FAH: variants seen among roughly 807,000 people sequenced by gnomAD.
The protein encoded by FAH is fumarylacetoacetate hydrolase.
FAH carries 47 observed loss-of-function variants against 55.8 expected under a neutral mutation model. That is an observed-to-expected ratio of 0.84 (90% CI 0.67 to 1.07). The LOEUF (loss-of-function observed/expected upper bound fraction) is 1.07, where lower values mean the gene tolerates loss of function less well. FAH is among the 50% of genes least tolerant of loss of function. The pLI is 0.00. For missense variants in FAH, 495 were observed against 545.9 expected, an observed-to-expected ratio of 0.91 and a Z score of 0.93; for synonymous variants, 199 against 207.7, an observed-to-expected ratio of 0.96 and a Z score of 0.36.
At chr15:80,156,091 C>T (rs760761166) in intron 1 of FAH, 81 of 277,738 alleles carry the variant, frequency 2.9e-4, no homozygotes, top group Non-Finnish European at 5.0e-4. Context: ...TTCCCTGACT[C>T]CTCCAAGGAA....
rs1294378979 is a variant in FAH, at chr15:80,175,146, G to A, written c.913+55G>A. The A allele has an allele frequency of 3.3e-6, 5 of 1,525,104 alleles. No homozygotes were observed. In the African/African-American group the frequency reaches 4.1e-5, roughly 13 times the overall value. 94.5% of individuals were successfully genotyped at this position (1,525,104 alleles called of 1,614,324 possible). On this transcript the variant is annotated intron_variant, in intron 10 of 13. Coordinates refer to ENST00000561421, the MANE Select transcript of FAH (RefSeq NM_000137.4). ...GAGCTCTGAGGCAATGTGTGCCTGTGTGCCTTGTCCTGAAGGCTCCTGAGC... is the reference window on the plus strand; with the variant it reads ...GAGCTCTGAGGCAATGTGTGCCTGTATGCCTTGTCCTGAAGGCTCCTGAGC...
At chr15:80,171,737 T>G (rs1323819587) in intron 7 of FAH, among the ~76,000 whole-genome samples, 1 of 152,226 alleles carries the variant, frequency 6.6e-6, no homozygotes, top group Non-Finnish European at 1.5e-5. Context: ...GCTGAGATTA[T>G]AGACGTGAGC....
At chr15:80,169,051 T>C (rs548085056) in intron 7 of FAH, among the ~76,000 whole-genome samples, 1 of 152,346 alleles carries the variant, frequency 6.6e-6, no homozygotes, top group African/African-American at 2.4e-5. Context: ...GAAGTCATTC[T>C]ATATTTGCTA....
chr15:80,164,496 C>A (rs1319827149), intron 5 of FAH, among the ~76,000 whole-genome samples: 1 of 152,130 alleles, frequency 6.6e-6, no homozygotes, highest in Admixed American at 6.5e-5. Context: ...GGATTAGGAT[C>A]TGGATATCTT....
At chr15:80,156,839 A>G (rs1338028798) in intron 1 of FAH, 1 of 152,206 alleles carries the variant, frequency 6.6e-6, no homozygotes, top group African/African-American at 2.4e-5. Flanking sequence ...TTGAAGCACA[A>G]GTTTGAAGCT....
Position 80,168,167 on chromosome 15 carries a change from C to T in FAH, c.553+18C>T, listed in dbSNP as rs760328388. 1 of 1,612,504 alleles carries T rather than the reference C, an allele frequency of 6.2e-7. No homozygotes were observed. Among genetic ancestry groups the T allele is most frequent in the Non-Finnish European group, 8.5e-7 (1 of 1,178,784 alleles). On this transcript the variant is annotated intron_variant, in intron 6 of 13. Coordinates refer to ENST00000561421, the MANE Select transcript of FAH (RefSeq NM_000137.4). Reference sequence around the variant, plus strand: ...TGATGACTGTGAGTGACCGCAGCGTCCAGGCCTTGCTGGTACCCAGCTCTC... The same window carrying T: ...TGATGACTGTGAGTGACCGCAGCGTTCAGGCCTTGCTGGTACCCAGCTCTC...
In FAH at chr15:80,154,653, C is replaced by G. The variant is rs567781356; in HGVS notation, c.81+1518C>G. Among the ~76,000 whole-genome samples the G allele has an allele frequency of 1.7e-4, 26 of 152,376 alleles. No homozygotes were observed. The South Asian group carries it at 2.3e-3, about 13-fold the overall frequency. ...AGGCAAAACCTCCCTTCCCCCATGT[C>G]AGCAGTCAGCCTTTCCTAATTTGAG... On this transcript the variant is annotated intron_variant, in intron 1 of 13. Coordinates refer to ENST00000561421, the MANE Select transcript of FAH (RefSeq NM_000137.4).
At position 80,159,887 on chromosome 15, in the gene FAH, A is replaced by G. The variant is rs2041133938; in HGVS notation, c.314+10A>G. On this transcript the variant is annotated intron_variant, in intron 3 of 13. Transcript: ENST00000561421. ...CCGAACTTCGGAAGTGGTGAGAAGC[A>G]CGTGGTCATAGGGGGGATGAGGGGA... is the stretch of plus-strand genomic sequence containing the variant. 2 of 1,614,008 alleles carry G rather than the reference A, an allele frequency of 1.2e-6. No individual in the cohort carries two copies. The highest frequency in any genetic ancestry group is 1.7e-6 in the Non-Finnish European group (2 of 1,179,966).
Position 80,172,176 on chromosome 15 carries a change from T to C in FAH, c.634T>C (p.Leu212=), listed in dbSNP as rs1337693496. Residue 212 remains leucine (L), a synonymous_variant, in exon 8 of 14, where the codon TTG becomes CTG. Transcript: ENST00000561421. ...MAFFVGPGNR[L]GEPIPISKAH... ...TTTTTTTGTAGGCCCTGGAAACAGATTGGGAGAGCCGATCCCCATTTCCAA... is the reference window on the plus strand; with the variant it reads ...TTTTTTTGTAGGCCCTGGAAACAGACTGGGAGAGCCGATCCCCATTTCCAA... 1 of 1,614,054 alleles carries C rather than the reference T, an allele frequency of 6.2e-7. No homozygotes were observed. Among genetic ancestry groups the C allele is most frequent in the African/African-American group, 1.3e-5 (1 of 75,026 alleles).
At chr15:80,162,436 C>A in intron 5 of FAH, 100 bp downstream of exon 5, 1 of 1,045,184 alleles carries the variant, frequency 9.6e-7, no homozygotes, top group South Asian at 1.3e-5. Context: ...TTAAAGTAAA[C>A]TGGGGAGGAA....
chr15:80,180,701 G>A (rs753070960), intron 12 of FAH, among the ~76,000 whole-genome samples: 1 of 152,128 alleles, frequency 6.6e-6, no homozygotes, highest in African/African-American at 2.4e-5. Flanking sequence ...TTGAGCTGTC[G>A]ACAGGAGGGT....
At chr15:80,159,090 T>G (rs2041125009) in intron 2 of FAH, among the ~76,000 whole-genome samples, 1 of 151,780 alleles carries the variant, frequency 6.6e-6, no homozygotes, top group African/African-American at 2.4e-5. Context: ...ATACAAAAAT[T>G]AGCTGGGTGT....
chr15:80,171,529 C>T lies in FAH; in HGVS notation c.607-620C>T, dbSNP rs545157522. Among the ~76,000 whole-genome samples the T allele has an allele frequency of 1.1e-3, 172 of 152,248 alleles. 1 individual carries two copies. Among genetic ancestry groups the T allele is most frequent in the African/African-American group, 3.9e-3 (161 of 41,526 alleles). ...AGGCTGGAGTGCCGTGGCGTGATCT[C>T]GGCCTGCTGCAGCCTTGACCTCCCT... On this transcript the variant is annotated intron_variant, in intron 7 of 13. Coordinates refer to ENST00000561421, the MANE Select transcript of FAH (RefSeq NM_000137.4).
intron 1 of FAH, chr15:80,157,661 A>T (rs2041110617): frequency 3.0e-6 from 1 of 333,306 alleles, no homozygotes; most frequent in Non-Finnish European, 5.9e-6. Flanking sequence ...GAACTACCCT[A>T]GTCAAGGCCT....
intron 2 of FAH, among the ~76,000 whole-genome samples, chr15:80,159,549 A>T (rs1252081579): frequency 4.6e-5 from 7 of 152,196 alleles, no homozygotes; most frequent in African/African-American, 1.7e-4. Flanking sequence ...GTGCAGGTGC[A>T]CGAGGGCCTG....
intron 9 of FAH, 144 bp downstream of exon 9, chr15:80,173,288 A>T: frequency 9.2e-7 from 1 of 1,085,408 alleles, no homozygotes; most frequent in Admixed American, 1.8e-5. Context: ...AGTGCCTGGG[A>T]GTTCCTGGCC....
Position 80,155,961 on chromosome 15 carries a change from G to A in FAH, c.82-2099G>A, listed in dbSNP as rs546035025. 2.1e-4 allele frequency: 99 copies of A among 477,362 alleles called. 2 individuals carry two copies. The highest frequency in any genetic ancestry group is 1.5e-3 in the South Asian group (95 of 65,176). 29.6% of individuals were successfully genotyped at this position (477,362 alleles called of 1,614,324 possible). On this transcript the variant is annotated intron_variant, in intron 1 of 13. Coordinates refer to ENST00000561421, the MANE Select transcript of FAH (RefSeq NM_000137.4). Reference sequence around the variant, plus strand: ...CCAGGAGTACAGGAGGAACATGAAAGTGGACAAGGAGCGTGACCATTGAAG... The same window carrying A: ...CCAGGAGTACAGGAGGAACATGAAAATGGACAAGGAGCGTGACCATTGAAG...
At chr15:80,155,584 G>T (rs1402168179) in intron 1 of FAH, among the ~76,000 whole-genome samples, 1 of 152,202 alleles carries the variant, frequency 6.6e-6, no homozygotes, top group Non-Finnish European at 1.5e-5. Context: ...ACGAGAGATT[G>T]TAAGAAATAA....
intron 10 of FAH, among the ~76,000 whole-genome samples, chr15:80,176,727 C>T (rs1319793826): frequency 6.6e-6 from 1 of 152,258 alleles, no homozygotes; most frequent in Non-Finnish European, 1.5e-5. Context: ...CTCAGTATTC[C>T]TGGCTGCCTA....
Sources: allele counts gnomAD v4.1 joint callset (sites outside exome capture counted in the v4.1 genomes callset), GRCh38; gene constraint gnomAD v4.1.1; transcripts MANE v1.5; gene names NCBI Gene and HGNC (gene_info 2026-07-23, HGNC 2026-07-21).